Variants in PHF3 observed in about 807,000 individuals in gnomAD.
PHF3 encodes the protein PHD finger protein 3.
PHF3 carries 41 observed loss-of-function variants against 178.4 expected under a neutral mutation model. The ratio of observed to expected loss-of-function variants is 0.23; its 90% CI spans 0.18 to 0.30. The LOEUF is 0.30. Ranked by LOEUF, PHF3 falls within the 10% of genes least tolerant of loss-of-function variation. PHF3 has a pLI of 1.00. For synonymous variants in PHF3, 842 were observed against 800.5 expected, an observed-to-expected ratio of 1.05 and a Z score of -0.88; for missense variants, 2,346 against 2,398.1, an observed-to-expected ratio of 0.98 and a Z score of 0.45.
At position 63,670,963 on chromosome 6, in the gene PHF3, C is replaced by T. The variant is rs1582044414; in HGVS notation, c.245-9037C>T. Among the ~76,000 whole-genome samples, 3 of 151,824 alleles carry T rather than the reference C, an allele frequency of 2.0e-5. No homozygotes were observed. In the South Asian group the frequency reaches 6.3e-4, roughly 32 times the overall value. ...ATTCTCTAAGAACTCTTTTGGTGGT[C>T]CTGTTTGTGTCTGTTTTTTTCATAT... On this transcript the variant is annotated intron_variant, in intron 2 of 15. Transcript: ENST00000262043.
chr6:63,641,185 T>C (rs574498594), intron 1 of PHF3, among the ~76,000 whole-genome samples: 6 of 152,238 alleles, frequency 3.9e-5, no homozygotes, highest in Non-Finnish European at 2.9e-5. Context: ...TCAAGTGTGC[T>C]CCACTTTTAA....
rs890750939 is a variant in PHF3, at chr6:63,723,941, G to T, written c.*10233G>T. On this transcript the variant is annotated 3_prime_UTR_variant, in exon 16 of 16. Coordinates refer to ENST00000262043, the MANE Select transcript of PHF3 (RefSeq NM_001370348.2). ...GGCTGCCTCAGTTTCCCGAGTATCT[G>T]GGACTACAGGCACTGGCCATCACGG... is the stretch of plus-strand genomic sequence containing the variant. Among the ~76,000 whole-genome samples the T allele has an allele frequency of 2.0e-5, 3 of 151,820 alleles. No homozygotes were observed. The highest frequency in any genetic ancestry group is 4.4e-5 in the Non-Finnish European group (3 of 67,954).
At chr6:63,699,869 G>A (rs893385670) in intron 8 of PHF3, among the ~76,000 whole-genome samples, 3 of 152,146 alleles carry the variant, frequency 2.0e-5, no homozygotes, top group Non-Finnish European at 2.9e-5. Flanking sequence ...CATTACAGGC[G>A]TGAGCTGCGG....
Position 63,722,193 on chromosome 6 carries a change from G to A in PHF3, c.*8485G>A, listed in dbSNP as rs1768425628. 1.3e-5 allele frequency among the ~76,000 whole-genome samples: 2 copies of A among 152,060 alleles called. No individual in the cohort carries two copies. Among genetic ancestry groups the A allele is most frequent in the South Asian group, 4.2e-4 (2 of 4,798 alleles). ...CTTTCCTGTCTCTCCAACCTTACCT[G>A]GAATGTTCTCTTTCCCCATCCTTAC... On this transcript the variant is annotated 3_prime_UTR_variant, in exon 16 of 16. Transcript: ENST00000262043.
chr6:63,666,924 G>A (rs1765706479), intron 2 of PHF3, among the ~76,000 whole-genome samples: 1 of 152,014 alleles, frequency 6.6e-6, no homozygotes, highest in Non-Finnish European at 1.5e-5. Context: ...GCTAGTTTTT[G>A]TATTTTTAGT....
At chr6:63,682,705 A>G (rs901234477) in intron 3 of PHF3, among the ~76,000 whole-genome samples, 2 of 152,150 alleles carry the variant, frequency 1.3e-5, no homozygotes, top group African/African-American at 4.8e-5. Context: ...GCTTCAAACT[A>G]AGGCAGGTAA....
At chr6:63,677,256 GT>G (rs1766208811) in intron 2 of PHF3, among the ~76,000 whole-genome samples, 2 of 152,280 alleles carry the variant, frequency 1.3e-5, no homozygotes, top group South Asian at 4.1e-4. Context: ...TTAGGGATAA[GT>G]GAGTGTGAAG....
intron 2 of PHF3, among the ~76,000 whole-genome samples, chr6:63,678,486 A>T (rs1009752667): frequency 5.3e-5 from 8 of 152,210 alleles, no homozygotes; most frequent in African/African-American, 1.9e-4. Context: ...TATAGCAGGA[A>T]ATTTGGAAAA....
In PHF3 at chr6:63,718,480, T is replaced by TATATATAATG. The variant is rs1768257479; in HGVS notation, c.*4772_*4773insATATATAATG. On this transcript the variant is annotated 3_prime_UTR_variant, in exon 16 of 16. Transcript: ENST00000262043. ...ATAATCTCATCTGTTAATGTAACAT[T>TATATATAATG]TATATAAAAGTTAACTTCCAAACTA... Among the ~76,000 whole-genome samples, 1 of 152,030 alleles carries TATATATAATG rather than the reference T, an allele frequency of 6.6e-6. No homozygotes were observed. Among genetic ancestry groups the TATATATAATG allele is most frequent in the Non-Finnish European group, 1.5e-5 (1 of 67,936 alleles).
In PHF3 at chr6:63,720,301, G is replaced by A. The variant is rs1768322031; in HGVS notation, c.*6593G>A. ...TTTACACGTTGATTTTAAAATGTAA[G>A]CATTAGGGATAGGTAAAAAGTGAAT... On this transcript the variant is annotated 3_prime_UTR_variant, in exon 16 of 16. Transcript: ENST00000262043. 2.6e-6 allele frequency: 1 copy of A among 381,500 alleles called. No homozygotes were observed. Among genetic ancestry groups the A allele is most frequent in the South Asian group, 1.3e-4 (1 of 7,750 alleles). 23.6% of individuals were successfully genotyped at this position (381,500 alleles called of 1,614,324 possible).
At chr6:63,694,800 T>C in intron 6 of PHF3, 36 bp downstream of exon 6, 1 of 1,114,180 alleles carries the variant, frequency 9.0e-7, no homozygotes, top group Non-Finnish European at 1.2e-6. Flanking sequence ...TATACTAATA[T>C]ATTTATATCT....
chr6:63,703,109 C>T (rs904214697), intron 10 of PHF3, among the ~76,000 whole-genome samples: 3 of 152,186 alleles, frequency 2.0e-5, no homozygotes, highest in African/African-American at 7.2e-5. Context: ...AACTCCTGAC[C>T]TCAAGTGATC....
chr6:63,664,816 A>G (rs961377936), intron 2 of PHF3, among the ~76,000 whole-genome samples: 2 of 152,102 alleles, frequency 1.3e-5, no homozygotes, highest in Non-Finnish European at 2.9e-5. Context: ...ACTCGATTAT[A>G]CATACATTTA....
chr6:63,645,763 A>C (rs1031349723), intron 1 of PHF3, among the ~76,000 whole-genome samples: 31 of 152,192 alleles, frequency 2.0e-4, no homozygotes, highest in Admixed American at 2.0e-3. Context: ...TGTAGGTACA[A>C]TTCAAATGGG....
At chr6:63,669,483 C>T (rs927667732) in intron 2 of PHF3, among the ~76,000 whole-genome samples, 36 of 152,142 alleles carry the variant, frequency 2.4e-4, no homozygotes, top group African/African-American at 8.4e-4. Flanking sequence ...TTATCTTTCT[C>T]AAACATCTAA....
At chr6:63,700,269 G>C in intron 8 of PHF3, 81 bp from the exon 9 acceptor site, 1 of 599,694 alleles carries the variant, frequency 1.7e-6, no homozygotes, top group Non-Finnish European at 3.0e-6. Context: ...TTCAAAAATT[G>C]TATCTTTATT....
chr6:63,689,437 A>C (rs911666073), intron 4 of PHF3, among the ~76,000 whole-genome samples: 2 of 152,206 alleles, frequency 1.3e-5, no homozygotes, highest in African/African-American at 2.4e-5. Flanking sequence ...AAAACTTCTG[A>C]GAAGAAATTT....
chr6:63,665,730 C>G (rs1334317871), intron 2 of PHF3, among the ~76,000 whole-genome samples: 1 of 152,026 alleles, frequency 6.6e-6, no homozygotes, highest in African/African-American at 2.4e-5. Context: ...CTCAAGTGAT[C>G]CACCCATCTC....
intron 14 of PHF3, among the ~76,000 whole-genome samples, 181 bp downstream of exon 14, chr6:63,709,421 C>T (rs1254406704): frequency 1.3e-5 from 2 of 149,734 alleles, no homozygotes; most frequent in African/African-American, 4.9e-5. Flanking sequence ...AACAGTACAG[C>T]ATTTTTTTTT....
Sources: gnomAD v4.1 joint callset for allele counts (sites outside exome capture counted in the v4.1 genomes callset) on GRCh38, gnomAD v4.1.1 for gene constraint, MANE v1.5 for transcripts, NCBI Gene and HGNC (gene_info 2026-07-23, HGNC 2026-07-21) for gene names.